Variants in CC2D2A observed in about 807,000 individuals in gnomAD.
CC2D2A encodes the protein coiled-coil and C2 domain-containing protein 2A.
A neutral mutation model predicts 212.9 loss-of-function variants in CC2D2A; 155 were observed. The observed-to-expected ratio is 0.73, with a 90% CI of 0.64 to 0.83. The LOEUF (loss-of-function observed/expected upper bound fraction) is 0.83. Ranked by LOEUF, CC2D2A falls within the 40% of genes least tolerant of loss-of-function variation. The pLI, the probability that CC2D2A is intolerant of heterozygous loss-of-function variation, is 0.00. For synonymous variants in CC2D2A, 667 were observed against 686.5 expected (o/e 0.97, Z 0.44); for missense variants, 1,856 against 1,956.2 (o/e 0.95, Z 0.97).
chr4:15,577,640 AGAAG>A (rs1560191491), intron 29 of CC2D2A, among the ~76,000 whole-genome samples: 1 of 151,148 alleles, frequency 6.6e-6, no homozygotes, highest in East Asian at 1.9e-4. Context: ...ACAGGCCTCA[AGAAG>A]GACTGCTTAT....
rs1719138386 is a variant in CC2D2A at position 15,553,969 on chromosome 4, T to C, written c.2486+664T>C. Among the ~76,000 whole-genome samples the C allele has an allele frequency of 3.9e-5, 6 of 152,348 alleles. No homozygotes were observed. In the South Asian group the frequency reaches 1.2e-3, roughly 32 times the overall value. ...AAAATAAAAGGATTCATTGTGATCA[T>C]GAAGAAGACACTTTCCAAGTCACAG... On this transcript the variant is annotated intron_variant, in intron 19 of 36. Transcript: ENST00000424120.
In CC2D2A at chr4:15,506,082, A is replaced by T. The variant is rs144411575; in HGVS notation, c.438+3159A>T. Among the ~76,000 whole-genome samples the T allele has an allele frequency of 4.2e-3, 647 of 152,332 alleles. 5 individuals are homozygous for T. Among genetic ancestry groups the T allele is most frequent in the African/African-American group, 0.015 (607 of 41,576 alleles). On this transcript the variant is annotated intron_variant, in intron 6 of 36. Transcript: ENST00000424120. ...AGGGTGAGAAAGAATTTCTAGATGG[A>T]TATGTGCACATATGATGATAGGCAC...
At chr4:15,600,765 G>A (rs1721552748) in intron 36 of CC2D2A, among the ~76,000 whole-genome samples, 1 of 151,968 alleles carries the variant, frequency 6.6e-6, no homozygotes, top group Non-Finnish European at 1.5e-5. Flanking sequence ...AGCCAGGATG[G>A]TGGCACTTGC....
intron 16 of CC2D2A, among the ~76,000 whole-genome samples, chr4:15,538,859 A>G (rs1290893856): frequency 6.6e-6 from 1 of 152,146 alleles, no homozygotes; most frequent in Non-Finnish European, 1.5e-5. Context: ...TTCTCAAAGT[A>G]TAGCCCCAGA....
chr4:15,576,340 G>GA (rs1209070230), intron 29 of CC2D2A: 1 of 980,154 alleles, frequency 1.0e-6, no homozygotes, highest in Non-Finnish European at 1.2e-6. Context: ...CAACAACCTG[G>GA]AATTGTTTTT....
chr4:15,598,542 G>A (rs987174704), intron 35 of CC2D2A, among the ~76,000 whole-genome samples: 11 of 152,112 alleles, frequency 7.2e-5, no homozygotes, highest in South Asian at 2.1e-4. Context: ...AGCACTTAGC[G>A]CAGTATCTGG....
At chr4:15,496,898 T>C (rs1433231568) in intron 4 of CC2D2A, among the ~76,000 whole-genome samples, 2 of 152,106 alleles carry the variant, frequency 1.3e-5, no homozygotes, top group East Asian at 1.9e-4. Context: ...AAAACACTGC[T>C]GAAAGAAATC....
chr4:15,526,307 C>T (rs1717508197), intron 11 of CC2D2A, among the ~76,000 whole-genome samples: 1 of 152,182 alleles, frequency 6.6e-6, no homozygotes, highest in Non-Finnish European at 1.5e-5. Context: ...TCCTTAGCCT[C>T]CTATTTCTAC....
rs1334358029 is a variant in CC2D2A at position 15,514,871 on chromosome 4, T to TA, written c.880+3dup. 4 of 1,612,810 alleles carry TA rather than the reference T, an allele frequency of 2.5e-6. No homozygotes were observed. Among genetic ancestry groups the TA allele is most frequent in the Non-Finnish European group, 3.4e-6 (4 of 1,179,068 alleles). ...TCTTCATACCCAGTAGGCAGACAGG[T>TA]ACTTGCTCTTTTTATTTTCTTGTTC... On this transcript the variant is annotated splice_region_variant and intron_variant, in intron 9 of 36. Coordinates refer to ENST00000424120, the MANE Select transcript of CC2D2A (RefSeq NM_001378615.1).
intron 3 of CC2D2A, chr4:15,479,235 T>C: frequency 6.5e-7 from 1 of 1,537,144 alleles, no homozygotes; most frequent in Non-Finnish European, 8.7e-7. Flanking sequence ...GCCAACTCCT[T>C]TCTCCCGAGC....
chr4:15,587,364 G>A (rs1424229115), intron 31 of CC2D2A, among the ~76,000 whole-genome samples: 6 of 152,140 alleles, frequency 3.9e-5, no homozygotes, highest in Non-Finnish European at 7.4e-5. Flanking sequence ...GGGGACTGGG[G>A]ACCCTTGCTC....
In CC2D2A at chr4:15,473,257, T is replaced by G. The variant is rs568331446; in HGVS notation, c.-18-2658T>G. 12 of 152,286 alleles carry G rather than the reference T, an allele frequency of 7.9e-5. No individual in the cohort carries two copies. The highest frequency in any genetic ancestry group is 2.0e-4 in the Admixed American group (3 of 15,296). 9.4% of individuals were successfully genotyped at this position (152,286 alleles called of 1,614,324 possible). On this transcript the variant is annotated intron_variant, in intron 1 of 36. Coordinates refer to ENST00000424120, the MANE Select transcript of CC2D2A (RefSeq NM_001378615.1). ...ATGGATATGGGCTGACATTAACAAG[T>G]AAGTATGTATGTTGAGTGGTAATAA...
chr4:15,476,347 A>G (rs1714210660), intron 2 of CC2D2A, among the ~76,000 whole-genome samples: 2 of 152,270 alleles, frequency 1.3e-5, no homozygotes, highest in African/African-American at 4.8e-5. Flanking sequence ...GCTGAGACTC[A>G]GCTACCTGCT....
At chr4:15,502,964 A>G in intron 6 of CC2D2A, 41 bp downstream of exon 6, 1 of 1,483,108 alleles carries the variant, frequency 6.7e-7, no homozygotes, top group Non-Finnish European at 9.1e-7. Flanking sequence ...AAACCAGTAA[A>G]GCAGAATATA....
intron 9 of CC2D2A, among the ~76,000 whole-genome samples, chr4:15,515,288 C>T (rs1392939111): frequency 2.6e-5 from 4 of 152,228 alleles, no homozygotes; most frequent in Non-Finnish European, 4.4e-5. Context: ...ATTCAAGCTC[C>T]AAGGCAGCAG....
intron 24 of CC2D2A, among the ~76,000 whole-genome samples, chr4:15,564,478 T>A (rs1223044416): frequency 1.3e-5 from 2 of 152,190 alleles, no homozygotes; most frequent in Non-Finnish European, 2.9e-5. Context: ...AAGATTTCAT[T>A]TAACTGTTAC....
intron 33 of CC2D2A, among the ~76,000 whole-genome samples, chr4:15,591,678 T>C (rs1480691013): frequency 6.6e-6 from 1 of 152,208 alleles, no homozygotes; most frequent in Admixed American, 6.5e-5. Context: ...CTCATGTTAA[T>C]TATTATTTTT....
intron 4 of CC2D2A, 42 bp from the exon 5 acceptor site, chr4:15,502,380 TCTTTTTC>T: frequency 6.8e-7 from 1 of 1,467,106 alleles, no homozygotes; most frequent in Non-Finnish European, 9.2e-7. Flanking sequence ...CTTTTTCTTT[TCTTTTTC>T]TTTTTTTTTT....
At chr4:15,508,176 A>T (rs1716366155) in intron 6 of CC2D2A, among the ~76,000 whole-genome samples, 1 of 152,182 alleles carries the variant, frequency 6.6e-6, no homozygotes, top group Admixed American at 6.5e-5. Context: ...AATTCTGAGA[A>T]GCAGTCTACG....
Sources: gnomAD v4.1 joint callset for allele counts (sites outside exome capture counted in the v4.1 genomes callset) on GRCh38, gnomAD v4.1.1 for gene constraint, MANE v1.5 for transcripts, NCBI Gene and HGNC (gene_info 2026-07-23, HGNC 2026-07-21) for gene names.